Variants in ANKH observed in about 807,000 individuals in gnomAD.
ANKH encodes mineralization regulator ANKH.
Under a neutral mutation model 49.0 loss-of-function variants are expected in ANKH, and 15 were observed. That is an observed-to-expected ratio of 0.31 (90% CI 0.20 to 0.47). The LOEUF is 0.47. ANKH is among the 20% of genes least tolerant of loss of function. ANKH has a pLI of 1.00. For missense variants in ANKH, 429 were observed against 652.0 expected (o/e 0.66, Z 3.72); for synonymous variants, 273 against 260.0 (o/e 1.05, Z -0.48).
chr5:14,793,023 T>TATATATATATAAAAAAATATATATATAA (rs1740234492), intron 1 of ANKH, among the ~76,000 whole-genome samples: 2 of 66,604 alleles, frequency 3.0e-5, no homozygotes, highest in African/African-American at 1.2e-4. Flanking sequence ...TATATATAAA[T>TATATATATATAAAAAAATATATATATAA]ATATATATAT....
rs1739641780 is a variant in ANKH, at chr5:14,776,880, C to CT, written c.97-7690_97-7689insA. Among the ~76,000 whole-genome samples the CT allele has an allele frequency of 3.3e-5, 5 of 152,200 alleles. No individual in the cohort carries two copies. In the South Asian group the frequency reaches 1.0e-3, roughly 32 times the overall value. On this transcript the variant is annotated intron_variant, in intron 1 of 11. Coordinates refer to ENST00000284268, the MANE Select transcript of ANKH (RefSeq NM_054027.6). ...ACTCCAACAACTGTGAATATGAAGC[C>CT]GCCCTTTAATCACAGCCTGGGTCTG...
chr5:14,842,149 A>G (rs2126610518), intron 1 of ANKH, among the ~76,000 whole-genome samples: 1 of 152,324 alleles, frequency 6.6e-6, no homozygotes, highest in Admixed American at 6.5e-5. Context: ...GGAAATTTAT[A>G]CCACCATTTC....
At chr5:14,767,426 C>T (rs1250342621) in intron 2 of ANKH, among the ~76,000 whole-genome samples, 2 of 151,964 alleles carry the variant, frequency 1.3e-5, no homozygotes, top group Admixed American at 6.5e-5. Flanking sequence ...GCTGTGATTG[C>T]AAAAGTATAA....
At chr5:14,761,238 C>A (rs760316395) in intron 2 of ANKH, among the ~76,000 whole-genome samples, 3 of 152,150 alleles carry the variant, frequency 2.0e-5, no homozygotes, top group Non-Finnish European at 4.4e-5. Context: ...CTTCCAGCAT[C>A]CATAACTGTG....
intron 8 of ANKH, among the ~76,000 whole-genome samples, chr5:14,738,578 G>A (rs1032760361): frequency 1.3e-5 from 2 of 152,122 alleles, no homozygotes; most frequent in Non-Finnish European, 2.9e-5. Flanking sequence ...GCTCTCAAGC[G>A]TTTCAATGAC....
intron 8 of ANKH, among the ~76,000 whole-genome samples, chr5:14,730,387 C>T (rs554367805): frequency 3.3e-5 from 5 of 152,122 alleles, no homozygotes; most frequent in South Asian, 2.1e-4. Context: ...GGAAAAGAGG[C>T]GAATATGATC....
intron 11 of ANKH, 118 bp downstream of exon 11, chr5:14,712,756 T>C: frequency 2.0e-6 from 2 of 1,006,428 alleles, no homozygotes; most frequent in Non-Finnish European, 3.0e-6. Flanking sequence ...GACTGGGCAG[T>C]GTCACCAAGG....
chr5:14,716,756 G>A lies in ANKH; in HGVS notation c.1091C>T (p.Ala364Val). Residue 364 changes from alanine to valine, a missense_variant, in exon 9 of 12, where the codon GCA becomes GTA. By Grantham distance (64) the Ala-to-Val change is moderately conservative (BLOSUM62 0). Around this residue, in one of 2 missense-constraint regions of ANKH, gnomAD observed 378 missense variants for 615.3 expected, o/e 0.61. Transcript: ENST00000284268. ...CCGCAAAGGAACAACACAGAGTTCT[G>A]CAAAGGCAAAGTCCACTCCGATGAT... is the stretch of plus-strand genomic sequence containing the variant. ...IDIIGVDFAF[A>V]ELCVVPLRIF... 5.6e-6 allele frequency: 9 copies of A among 1,614,158 alleles called. No homozygotes were observed. The highest frequency in any genetic ancestry group is 1.3e-5 in the African/African-American group (1 of 75,062).
At position 14,711,040 on chromosome 5, in the gene ANKH, A is replaced by T. The variant is rs982311940; in HGVS notation, c.*157T>A. 2.8e-5 allele frequency: 20 copies of T among 721,532 alleles called. No individual in the cohort carries two copies. Among genetic ancestry groups the T allele is most frequent in the Middle Eastern group, 2.5e-4 (1 of 3,988 alleles). 44.7% of individuals were successfully genotyped at this position (721,532 alleles called of 1,614,324 possible). A position where few individuals can be genotyped will look rare whatever the true frequency, so the allele number is the denominator to read the frequency against. ...CCCCGTCAGTGTGAGCATACCCAGTATGCTAGAGAATTGACACGAAACCTT... is the reference window on the plus strand; with the variant it reads ...CCCCGTCAGTGTGAGCATACCCAGTTTGCTAGAGAATTGACACGAAACCTT... On this transcript the variant is annotated 3_prime_UTR_variant, in exon 12 of 12. Coordinates refer to ENST00000284268, the MANE Select transcript of ANKH (RefSeq NM_054027.6).
chr5:14,858,670 C>T (rs1370714328), intron 1 of ANKH, among the ~76,000 whole-genome samples: 1 of 151,116 alleles, frequency 6.6e-6, no homozygotes, highest in African/African-American at 2.4e-5. Flanking sequence ...GAGCCGAGAT[C>T]GGGCCACTGC....
At chr5:14,738,206 A>G (rs1391254469) in intron 8 of ANKH, among the ~76,000 whole-genome samples, 2 of 152,234 alleles carry the variant, frequency 1.3e-5, no homozygotes, top group Non-Finnish European at 2.9e-5. Flanking sequence ...CAAACACGTC[A>G]TTGTAACATG....
chr5:14,858,487 G>A (rs371615040), intron 1 of ANKH, among the ~76,000 whole-genome samples: 1 of 152,126 alleles, frequency 6.6e-6, no homozygotes, highest in Non-Finnish European at 1.5e-5. Flanking sequence ...GAGGCCAAGG[G>A]GGTGCGGATC....
intron 1 of ANKH, among the ~76,000 whole-genome samples, chr5:14,856,189 C>T (rs956983348): frequency 1.3e-5 from 2 of 151,786 alleles, no homozygotes; most frequent in Admixed American, 6.6e-5. Context: ...TGCAGTGAGC[C>T]GTGATCATGT....
intron 1 of ANKH, among the ~76,000 whole-genome samples, chr5:14,779,075 T>C (rs1739726602): frequency 6.6e-6 from 1 of 152,214 alleles, no homozygotes; most frequent in South Asian, 2.1e-4. Flanking sequence ...AAATTTCTTA[T>C]TGCTTCTCTC....
chr5:14,739,736 T>C (rs1055434576), intron 8 of ANKH, among the ~76,000 whole-genome samples: 4 of 152,242 alleles, frequency 2.6e-5, no homozygotes. Context: ...GTTCTATTAC[T>C]GGATACTTGG....
chr5:14,713,493 A>G lies in ANKH; in HGVS notation c.1265+51T>C, dbSNP rs773954105. 11 of 1,610,572 alleles carry G rather than the reference A, an allele frequency of 6.8e-6. No individual in the cohort carries two copies. The highest frequency in any genetic ancestry group is 1.1e-5 in the South Asian group (1 of 90,598). On this transcript the variant is annotated intron_variant, in intron 10 of 11. Transcript: ENST00000284268. The surrounding 1 kb of genome is among the most constrained non-coding windows in gnomAD (Gnocchi z 4.4). ...ATGTAGCTGTTAAACCTCTGGACAC[A>G]GTATTGAAGTGGCAGAAGGACCCAC...
intron 1 of ANKH, among the ~76,000 whole-genome samples, chr5:14,777,002 T>A (rs1269568277): frequency 6.6e-6 from 1 of 152,010 alleles, no homozygotes; most frequent in Admixed American, 6.6e-5. Context: ...ATATCTGGGG[T>A]CGGGTGCAGT....
chr5:14,799,965 A>C (rs148602961), intron 1 of ANKH, among the ~76,000 whole-genome samples: 2 of 152,158 alleles, frequency 1.3e-5, no homozygotes, highest in Non-Finnish European at 2.9e-5. Context: ...TCTGGAAAGA[A>C]GTCACCATTC....
At chr5:14,786,812 C>T (rs1739992270) in intron 1 of ANKH, among the ~76,000 whole-genome samples, 1 of 152,198 alleles carries the variant, frequency 6.6e-6, no homozygotes, top group Non-Finnish European at 1.5e-5. Flanking sequence ...AGTAATCCCC[C>T]TTCAGAAATC....
Sources: allele counts gnomAD v4.1 joint callset (sites outside exome capture counted in the v4.1 genomes callset), GRCh38; gene constraint gnomAD v4.1.1; regional missense constraint gnomAD v4.1.1; non-coding constraint Gnocchi (gnomAD v3.1); transcripts MANE v1.5; gene names NCBI Gene and HGNC (gene_info 2026-07-23, HGNC 2026-07-21).